Variants in PTPN9 observed in about 807,000 individuals in gnomAD.
PTPN9 encodes tyrosine-protein phosphatase non-receptor type 9.
A neutral mutation model predicts 69.8 loss-of-function variants in PTPN9; 26 were observed. That is an observed-to-expected ratio of 0.37 (90% confidence interval 0.27 to 0.52). The LOEUF is 0.52. Ranked by LOEUF, PTPN9 falls within the 20% of genes least tolerant of loss-of-function variation. The pLI is 0.91. For missense variants in PTPN9, 549 were observed against 740.3 expected (o/e 0.74, Z 3.00); for synonymous variants, 274 against 272.5 (o/e 1.01, Z -0.05).
rs546197277 is a variant in PTPN9 at position 75,480,641 on chromosome 15, C to T, written c.1063-727G>A. ...CCGGGACAGTCGCGGCGCTGACGCCCGCGGGCCCCAGCTGCAGATATGAAG... is the reference window on the plus strand; with the variant it reads ...CCGGGACAGTCGCGGCGCTGACGCCTGCGGGCCCCAGCTGCAGATATGAAG... On this transcript the variant is annotated intron_variant, in intron 8 of 12. Transcript: ENST00000618819. The T allele has an allele frequency of 5.8e-6, 7 of 1,214,908 alleles. No homozygotes were observed. In the African/African-American group the frequency reaches 8.2e-5, roughly 14 times the overall value. The allele number at this position is 1,214,908 out of a possible 1,614,324, so 75.3% of individuals were successfully genotyped here. A position where few individuals can be genotyped will look rare whatever the true frequency, so the allele number is the denominator to read the frequency against.
chr15:75,550,005 T>A (rs2075050357), intron 1 of PTPN9, among the ~76,000 whole-genome samples: 1 of 151,812 alleles, frequency 6.6e-6, no homozygotes, highest in East Asian at 1.9e-4. Flanking sequence ...AAAACTGTCT[T>A]GATAAACTCC....
chr15:75,482,827 C>T (rs111336837), intron 8 of PTPN9, among the ~76,000 whole-genome samples: 27,565 of 151,256 alleles, frequency 0.18, 3,099 homozygotes, highest in Non-Finnish European at 0.26. Context: ...TGGTGGCAGG[C>T]GCCTGTAGTC....
At chr15:75,545,280 G>T (rs1251028382) in intron 1 of PTPN9, among the ~76,000 whole-genome samples, 3 of 152,074 alleles carry the variant, frequency 2.0e-5, no homozygotes, top group African/African-American at 7.2e-5. Context: ...TTAAAATACA[G>T]GAGAGGGCCG....
chr15:75,477,957 C>T (rs2074606056), intron 9 of PTPN9, among the ~76,000 whole-genome samples: 1 of 151,304 alleles, frequency 6.6e-6, no homozygotes, highest in South Asian at 2.1e-4. Flanking sequence ...TCTCCTGCCT[C>T]AGCCTCCCGA....
At chr15:75,505,094 T>C (rs2074810980) in intron 7 of PTPN9, among the ~76,000 whole-genome samples, 1 of 152,114 alleles carries the variant, frequency 6.6e-6, no homozygotes, top group Non-Finnish European at 1.5e-5. Context: ...TGGGAGACTT[T>C]TCATTTTGTT....
chr15:75,497,080 C>G (rs2074746995), intron 7 of PTPN9, among the ~76,000 whole-genome samples: 1 of 152,024 alleles, frequency 6.6e-6, no homozygotes. Flanking sequence ...TAAACAAAAT[C>G]AACTAGAAAG....
At chr15:75,504,761 C>G (rs1441074132) in intron 7 of PTPN9, among the ~76,000 whole-genome samples, 2 of 147,026 alleles carry the variant, frequency 1.4e-5, no homozygotes, top group Non-Finnish European at 3.0e-5. Context: ...AGTGAGGAGC[C>G]CCTCTGCCCG....
chr15:75,559,631 C>G (rs964743468), intron 1 of PTPN9, among the ~76,000 whole-genome samples: 2 of 152,080 alleles, frequency 1.3e-5, no homozygotes, highest in Non-Finnish European at 2.9e-5. Context: ...GACACAAACA[C>G]TGCGGAAGGC....
At chr15:75,514,705 GAAT>G (rs2074860839) in intron 5 of PTPN9, among the ~76,000 whole-genome samples, 1 of 152,118 alleles carries the variant, frequency 6.6e-6, no homozygotes, top group Non-Finnish European at 1.5e-5. Flanking sequence ...TCATGGATTA[GAAT>G]AATATATTAA....
chr15:75,503,598 G>C (rs1595954881), intron 7 of PTPN9, among the ~76,000 whole-genome samples: 2 of 45,984 alleles, frequency 4.3e-5, no homozygotes, highest in Non-Finnish European at 8.2e-5. Flanking sequence ...GGAGGTGGGG[G>C]GGTCAGCCCC....
At chr15:75,512,439 C>T (rs1383799556) in intron 5 of PTPN9, among the ~76,000 whole-genome samples, 2 of 152,100 alleles carry the variant, frequency 1.3e-5, no homozygotes, top group South Asian at 2.1e-4. Flanking sequence ...GCAATTCTCC[C>T]ACCTCAGCCT....
intron 7 of PTPN9, among the ~76,000 whole-genome samples, chr15:75,503,617 C>G (rs2074790027): frequency 7.5e-6 from 1 of 133,668 alleles, no homozygotes; most frequent in African/African-American, 2.8e-5. Context: ...CCCCGCCCGG[C>G]CAGCCGCCCC....
At chr15:75,572,636 A>C (rs1401552270) in intron 1 of PTPN9, among the ~76,000 whole-genome samples, 2 of 151,958 alleles carry the variant, frequency 1.3e-5, no homozygotes, top group African/African-American at 4.8e-5. Context: ...AATCGCTTGA[A>C]CCCAGAAGGC....
chr15:75,482,564 C>CA (rs145653223), intron 8 of PTPN9, among the ~76,000 whole-genome samples: 475 of 35,408 alleles, frequency 0.013, 32 homozygotes, highest in African/African-American at 0.027. Flanking sequence ...GACTCCGTCT[C>CA]AAAAAAAAAA....
intron 1 of PTPN9, among the ~76,000 whole-genome samples, chr15:75,562,557 C>T (rs1381257667): frequency 2.0e-5 from 3 of 152,174 alleles, no homozygotes; most frequent in African/African-American, 4.8e-5. Context: ...CTAGGCCGGG[C>T]GCGGTGGCTC....
intron 4 of PTPN9, 150 bp from the exon 5 acceptor site, chr15:75,517,514 C>G: frequency 1.7e-6 from 1 of 595,966 alleles, no homozygotes; most frequent in Non-Finnish European, 2.9e-6. Context: ...ACAAAAAGAT[C>G]TCTTATCTTT....
intron 5 of PTPN9, among the ~76,000 whole-genome samples, chr15:75,511,873 T>TTA (rs2074846890): frequency 6.7e-6 from 1 of 149,288 alleles, no homozygotes; most frequent in South Asian, 2.1e-4. Context: ...CTTTAATATT[T>TTA]TTTTTTTTTT....
At chr15:75,473,154 C>T (rs529602969) in intron 10 of PTPN9, among the ~76,000 whole-genome samples, 1 of 152,268 alleles carries the variant, frequency 6.6e-6, no homozygotes, top group East Asian at 1.9e-4. Flanking sequence ...GGGATTAAAG[C>T]TTTAACAAGT....
At chr15:75,490,782 G>A (rs1470469967) in intron 7 of PTPN9, among the ~76,000 whole-genome samples, 4 of 152,026 alleles carry the variant, frequency 2.6e-5, no homozygotes, top group South Asian at 4.1e-4. Flanking sequence ...CCGCCACCAC[G>A]CCCAGCTAAT....
Sources: gnomAD v4.1 joint callset for allele counts (sites outside exome capture counted in the v4.1 genomes callset) on GRCh38, gnomAD v4.1.1 for gene constraint, MANE v1.5 for transcripts, NCBI Gene and HGNC (gene_info 2026-07-23, HGNC 2026-07-21) for gene names.